The following LRRTM4 variants were observed in gnomAD, a reference collection of about 807,000 sequenced individuals.
The protein encoded by LRRTM4 is leucine-rich repeat transmembrane neuronal protein 4.
A neutral mutation model predicts 47.6 loss-of-function variants in LRRTM4; 25 were observed. The observed-to-expected ratio is 0.53, with a 90% CI of 0.38 to 0.73. The LOEUF (loss-of-function observed/expected upper bound fraction) is 0.73. LRRTM4 is among the 30% of genes least tolerant of loss of function. The pLI, the probability that LRRTM4 is intolerant of heterozygous loss-of-function variation, is 0.00. For synonymous variants in LRRTM4, 311 were observed against 269.5 expected (o/e 1.15, Z -1.51); for missense variants, 638 against 713.4 (o/e 0.89, Z 1.20).
chr2:77,063,246 C>G (rs1189071766), intron 3 of LRRTM4, among the ~76,000 whole-genome samples: 1 of 152,202 alleles, frequency 6.6e-6, no homozygotes, highest in Non-Finnish European at 1.5e-5. Flanking sequence ...GCGTGAGCCA[C>G]TGCGCCCGGC....
At chr2:77,291,714 G>C (rs1245951024) in intron 3 of LRRTM4, among the ~76,000 whole-genome samples, 1 of 151,974 alleles carries the variant, frequency 6.6e-6, no homozygotes, top group Non-Finnish European at 1.5e-5. Context: ...TATTTTGATA[G>C]ATCTTAGATA....
chr2:77,362,133 G>GAAAGAAAGA (rs1558707277), intron 3 of LRRTM4, among the ~76,000 whole-genome samples: 20 of 115,538 alleles, frequency 1.7e-4, no homozygotes, highest in Non-Finnish European at 3.6e-4. Flanking sequence ...AAGAAAGAAA[G>GAAAGAAAGA]AAAGAAAGAA....
At chr2:76,966,047 T>A (rs1676012971) in intron 3 of LRRTM4, among the ~76,000 whole-genome samples, 1 of 151,498 alleles carries the variant, frequency 6.6e-6, no homozygotes, top group Non-Finnish European at 1.5e-5. Context: ...TCCTATCATA[T>A]GACAACAATT....
intron 3 of LRRTM4, among the ~76,000 whole-genome samples, chr2:77,063,582 C>G (rs1679862354): frequency 6.6e-6 from 1 of 151,486 alleles, no homozygotes; most frequent in African/African-American, 2.4e-5. Flanking sequence ...GCATTTTTAT[C>G]CAGAAGTCTT....
At chr2:77,229,554 A>T (rs1674907591) in intron 3 of LRRTM4, among the ~76,000 whole-genome samples, 2 of 152,138 alleles carry the variant, frequency 1.3e-5, no homozygotes, top group South Asian at 4.1e-4. Flanking sequence ...ATTACCCGGC[A>T]TCCTTATTGA....
intron 3 of LRRTM4, among the ~76,000 whole-genome samples, chr2:77,052,077 G>A (rs1679451304): frequency 6.7e-6 from 1 of 149,640 alleles, no homozygotes; most frequent in African/African-American, 2.5e-5. Context: ...AGAGGGATAA[G>A]TGAAGGAAAA....
At position 76,787,428 on chromosome 2, in the gene LRRTM4, C is replaced by A. The variant is rs556899123; in HGVS notation, c.1552-38512G>T. ...TGTGTTCTGATACTTTATACATTTC[C>A]AGATGTCAACATTATCAGATGGTAA... On this transcript the variant is annotated intron_variant, in intron 3 of 3. Transcript: ENST00000409884. Among the ~76,000 whole-genome samples, 111 of 151,978 alleles carry A rather than the reference C, an allele frequency of 7.3e-4. 1 individual carries two copies. The highest frequency in any genetic ancestry group is 1.8e-4 in the Non-Finnish European group (12 of 67,974).
intron 3 of LRRTM4, among the ~76,000 whole-genome samples, chr2:76,774,065 A>C (rs763595396): frequency 6.6e-6 from 1 of 152,206 alleles, no homozygotes; most frequent in Non-Finnish European, 1.5e-5. Flanking sequence ...CTTAGCTACT[A>C]ATAGCCTACT....
intron 3 of LRRTM4, among the ~76,000 whole-genome samples, chr2:77,154,027 T>C (rs1672495289): frequency 6.6e-6 from 1 of 152,190 alleles, no homozygotes; most frequent in African/African-American, 2.4e-5. Flanking sequence ...ATTTTTGAAT[T>C]ACAAACATCT....
At chr2:77,492,508 CTT>C (rs1296587176) in intron 3 of LRRTM4, among the ~76,000 whole-genome samples, 1 of 152,120 alleles carries the variant, frequency 6.6e-6, no homozygotes, top group Admixed American at 6.6e-5. Context: ...AAGCTCCTGT[CTT>C]AGCCTCTCAA....
chr2:77,456,546 A>G (rs1185325254), intron 3 of LRRTM4, among the ~76,000 whole-genome samples: 1 of 151,984 alleles, frequency 6.6e-6, no homozygotes, highest in East Asian at 1.9e-4. Flanking sequence ...TTCTCTCTCC[A>G]ACATCCTCAT....
chr2:76,923,849 T>G (rs933213378), intron 3 of LRRTM4, among the ~76,000 whole-genome samples: 1 of 152,136 alleles, frequency 6.6e-6, no homozygotes, highest in Non-Finnish European at 1.5e-5. Flanking sequence ...GAATTAAGTA[T>G]AGGGTCACAA....
At chr2:77,429,159 G>C (rs1675248879) in intron 3 of LRRTM4, among the ~76,000 whole-genome samples, 1 of 152,060 alleles carries the variant, frequency 6.6e-6, no homozygotes, top group Admixed American at 6.6e-5. Flanking sequence ...AGCTGTGTAG[G>C]GTAAGACGAA....
chr2:77,368,213 C>A (rs1442760821), intron 3 of LRRTM4, among the ~76,000 whole-genome samples: 7 of 151,388 alleles, frequency 4.6e-5, no homozygotes, highest in South Asian at 2.1e-4. Flanking sequence ...AAGAACCCAC[C>A]TTTTATCAAG....
chr2:77,512,093 G>A (rs777866248), intron 3 of LRRTM4, among the ~76,000 whole-genome samples: 3 of 152,106 alleles, frequency 2.0e-5, no homozygotes, highest in Non-Finnish European at 4.4e-5. Context: ...AAGTAGCTGG[G>A]ACTACAGGTG....
At chr2:76,997,287 C>A (rs888953538) in intron 3 of LRRTM4, among the ~76,000 whole-genome samples, 2 of 152,062 alleles carry the variant, frequency 1.3e-5, no homozygotes, top group African/African-American at 4.8e-5. Context: ...AGTTCAAATA[C>A]AGCAGTAGAG....
At chr2:77,093,105 C>T (rs1246884654) in intron 3 of LRRTM4, among the ~76,000 whole-genome samples, 1 of 146,466 alleles carries the variant, frequency 6.8e-6, no homozygotes, top group African/African-American at 2.7e-5. Context: ...CTTGTCATCC[C>T]CACTATCTTC....
At chr2:76,900,431 C>G (rs1372327140) in intron 3 of LRRTM4, among the ~76,000 whole-genome samples, 1 of 151,746 alleles carries the variant, frequency 6.6e-6, no homozygotes, top group African/African-American at 2.4e-5. Context: ...ATTTTCAAAC[C>G]AATAGTCATT....
intron 3 of LRRTM4, among the ~76,000 whole-genome samples, chr2:77,277,703 A>G (rs1676399947): frequency 6.6e-6 from 1 of 151,998 alleles, no homozygotes; most frequent in Non-Finnish European, 1.5e-5. Flanking sequence ...GTTTTCTTAA[A>G]TGACAAATGA....
Sources: gnomAD v4.1 joint callset for allele counts (sites outside exome capture counted in the v4.1 genomes callset) on GRCh38, gnomAD v4.1.1 for gene constraint, MANE v1.5 for transcripts, NCBI Gene and HGNC (gene_info 2026-07-23, HGNC 2026-07-21) for gene names.